NIPSNAP3A: variants seen among roughly 807,000 people sequenced by gnomAD.
NIPSNAP3A encodes the protein protein NipSnap homolog 3A.
NIPSNAP3A carries 27 observed loss-of-function variants against 32.3 expected under a neutral mutation model. The observed-to-expected ratio is 0.84, with a 90% confidence interval of 0.62 to 1.15. The LOEUF (loss-of-function observed/expected upper bound fraction) is 1.15, where lower values mean the gene tolerates loss of function less well. Ranked by LOEUF, NIPSNAP3A falls within the 50% of genes most tolerant of loss-of-function variation. NIPSNAP3A has a pLI of 0.00. For synonymous variants in NIPSNAP3A, 108 were observed against 107.3 expected (o/e 1.01, Z -0.04); for missense variants, 278 against 297.2 (o/e 0.94, Z 0.48).
chr9:104,754,685 G>A lies in NIPSNAP3A; in HGVS notation c.565G>A (p.Gly189Arg), dbSNP rs187962107. Residue 189 changes from glycine (G) to arginine (R), a missense_variant, in exon 4 of 6, where the codon GGA (glycine) becomes AGA (arginine). Coordinates refer to ENST00000374767, the MANE Select transcript of NIPSNAP3A (RefSeq NM_015469.3). The part of the protein sequence containing the change: ...KLVGVFHTEY[G>R]ALNRVHVLWW... ...AGTTGGAGTGTTCCACACAGAGTAC[G>A]GAGCACTCAACAGAGGTACAATTGT... 5.9e-5 allele frequency: 95 copies of A among 1,613,664 alleles called. No homozygotes were observed. In the East Asian group the frequency reaches 1.6e-3, roughly 26 times the overall value.
chr9:104,747,711 C>T lies in NIPSNAP3A; in HGVS notation c.-82C>T. The T allele has an allele frequency of 7.1e-7, 1 of 1,401,264 alleles. No homozygotes were observed. The highest frequency in any genetic ancestry group is 9.9e-7 in the Non-Finnish European group (1 of 1,011,344). 86.8% of individuals were successfully genotyped at this position (1,401,264 alleles called of 1,614,324 possible). On this transcript the variant is annotated 5_prime_UTR_variant, in exon 1 of 6. Coordinates refer to ENST00000374767, the MANE Select transcript of NIPSNAP3A (RefSeq NM_015469.3). The stretch of plus-strand genomic sequence containing the variant: ...CTGCGTCTGCCAATGATCCAGGAGC[C>T]GCTCCTTTCCACTCGGGAAACCTTC...
intron 4 of NIPSNAP3A, among the ~76,000 whole-genome samples, chr9:104,756,814 C>CTT (rs34247948): frequency 6.1e-5 from 7 of 114,308 alleles, no homozygotes; most frequent in Non-Finnish European, 9.1e-5. Flanking sequence ...TGTTAATATT[C>CTT]TTTTTTTTTT....
chr9:104,754,795 A>T (rs1827887546), intron 4 of NIPSNAP3A, 95 bp downstream of exon 4: 1 of 916,046 alleles, frequency 1.1e-6, no homozygotes, highest in Non-Finnish European at 1.7e-6. Flanking sequence ...AGTATGTTTT[A>T]TTATTTATTG....
intron 2 of NIPSNAP3A, among the ~76,000 whole-genome samples, chr9:104,751,664 G>A (rs1213628473): frequency 1.3e-5 from 2 of 152,144 alleles, no homozygotes; most frequent in Non-Finnish European, 2.9e-5. Context: ...TATAGGGGAT[G>A]ATGGTTAACT....
At chr9:104,758,532 CCTT>C (rs1827931336) in intron 4 of NIPSNAP3A, among the ~76,000 whole-genome samples, 1 of 152,078 alleles carries the variant, frequency 6.6e-6, no homozygotes, top group Non-Finnish European at 1.5e-5. Flanking sequence ...CGTTTTCCAG[CCTT>C]CTATTTCTTC....
chr9:104,755,734 C>T (rs1363366358), intron 4 of NIPSNAP3A, among the ~76,000 whole-genome samples: 1 of 151,858 alleles, frequency 6.6e-6, no homozygotes, highest in Non-Finnish European at 1.5e-5. Context: ...CTAGCCTGGG[C>T]AACACAGCTT....
chr9:104,752,986 T>A lies in NIPSNAP3A; in HGVS notation c.352T>A (p.Leu118Met). ...EWQEQFLIPN[L>M]ALIDKQESEI... Reference sequence around the variant, plus strand: ...GCAAGAACAATTCCTCATTCCAAATTTGGCTCTCATTGATAAACAAGAGAG... The same window carrying A: ...GCAAGAACAATTCCTCATTCCAAATATGGCTCTCATTGATAAACAAGAGAG... Residue 118 changes from leucine (L) to methionine (M), a missense_variant, in exon 3 of 6, where the codon TTG (leucine) becomes ATG (methionine). Transcript: ENST00000374767. The A allele has an allele frequency of 6.2e-7, 1 of 1,612,980 alleles. No homozygotes were observed. The highest frequency in any genetic ancestry group is 8.5e-7 in the Non-Finnish European group (1 of 1,178,996).
intron 1 of NIPSNAP3A, 73 bp downstream of exon 1, chr9:104,747,925 C>A: frequency 7.1e-7 from 1 of 1,405,904 alleles, no homozygotes; most frequent in Admixed American, 2.0e-5. Flanking sequence ...GTTCCGGGTA[C>A]GTGCGAGCAA....
At position 104,747,742 on chromosome 9, in the gene NIPSNAP3A, A is replaced by C. The variant is rs771067598; in HGVS notation, c.-51A>C. On this transcript the variant is annotated 5_prime_UTR_variant, in exon 1 of 6. Coordinates refer to ENST00000374767, the MANE Select transcript of NIPSNAP3A (RefSeq NM_015469.3). ...TTTCCACTCGGGAAACCTTCAGAGG[A>C]GTCTCAGAAAGGACACGGCTGGCTG... 4 of 1,542,798 alleles carry C rather than the reference A, an allele frequency of 2.6e-6. No homozygotes were observed. Among genetic ancestry groups the C allele is most frequent in the Non-Finnish European group, 3.5e-6 (4 of 1,129,254 alleles).
intron 4 of NIPSNAP3A, 50 bp downstream of exon 4, chr9:104,754,750 C>T (rs1227811830): frequency 1.3e-6 from 2 of 1,485,368 alleles, no homozygotes; most frequent in Non-Finnish European, 9.4e-7. Flanking sequence ...ATATTGTGAC[C>T]TAAGTTCCTT....
chr9:104,756,026 C>G (rs1480485812), intron 4 of NIPSNAP3A, among the ~76,000 whole-genome samples: 1 of 152,070 alleles, frequency 6.6e-6, no homozygotes, highest in African/African-American at 2.4e-5. Flanking sequence ...CTCTTTATGT[C>G]CAATGGACAT....
At position 104,751,114 on chromosome 9, in the gene NIPSNAP3A, G is replaced by A. The variant is rs753810167; in HGVS notation, c.219G>A (p.Trp73Ter). 7.2e-5 allele frequency: 116 copies of A among 1,613,902 alleles called. No individual in the cohort carries two copies. The highest frequency in any genetic ancestry group is 9.6e-5 in the Non-Finnish European group (113 of 1,179,928). Reference sequence around the variant, plus strand: ...CTCACTCTGAATTGGTTGGATACTGGAGTGTAGAATTTGGAGGCAGAATGA... The same window carrying A: ...CTCACTCTGAATTGGTTGGATACTGAAGTGTAGAATTTGGAGGCAGAATGA... ...RTAHSELVGY[W>*]SVEFGGRMNT... The change falls in exon 2 of 6, where the codon TGG (tryptophan) becomes TGA (stop). Residue 73 changes from tryptophan to a stop codon, truncating the protein, a stop_gained. Coordinates refer to ENST00000374767, the MANE Select transcript of NIPSNAP3A (RefSeq NM_015469.3). LOFTEE classifies it high-confidence loss of function.
chr9:104,754,278 T>C, intron 3 of NIPSNAP3A: 1 of 272,274 alleles, frequency 3.7e-6, no homozygotes, highest in Non-Finnish European at 6.9e-6. Flanking sequence ...ATGTTATAGA[T>C]TAAAAATATT....
chr9:104,748,452 A>G (rs975013104), intron 1 of NIPSNAP3A, among the ~76,000 whole-genome samples: 1 of 152,092 alleles, frequency 6.6e-6, no homozygotes, highest in Admixed American at 6.5e-5. Flanking sequence ...CGCTCCCCCA[A>G]CCAGGCGGGA....
At position 104,751,055 on chromosome 9, in the gene NIPSNAP3A, G is replaced by A. The variant is rs765120316; in HGVS notation, c.160G>A (p.Glu54Lys). 2 of 1,613,980 alleles carry A rather than the reference G, an allele frequency of 1.2e-6. No individual in the cohort carries two copies. The highest frequency in any genetic ancestry group is 4.5e-5 in the East Asian group (2 of 44,862). Residue 54 changes from glutamate (E) to lysine (K), a missense_variant, in exon 2 of 6, where the codon GAA (glutamate) becomes AAA (lysine). Coordinates refer to ENST00000374767, the MANE Select transcript of NIPSNAP3A (RefSeq NM_015469.3). Reference sequence around the variant, plus strand: ...GCCCTCAAAGATGAATGAGTTCCTGGAAAATTTTGAGAAAAACGCTCATCT... The same window carrying A: ...GCCCTCAAAGATGAATGAGTTCCTGAAAAATTTTGAGAAAAACGCTCATCT... ...LKPSKMNEFLENFEKNAHLRT... is the reference protein window; with the variant it reads ...LKPSKMNEFLKNFEKNAHLRT...
At position 104,754,630 on chromosome 9, in the gene NIPSNAP3A, T is replaced by C. The variant is rs771044228; in HGVS notation, c.510T>C (p.His170=). 4 of 1,614,000 alleles carry C rather than the reference T, an allele frequency of 2.5e-6. No individual in the cohort carries two copies. The highest frequency in any genetic ancestry group is 1.1e-5 in the South Asian group (1 of 91,092). The change falls in exon 4 of 6, where the codon CAT becomes CAC. Residue 170 remains histidine (H), a synonymous_variant. Transcript: ENST00000374767. The part of the protein sequence containing the change: ...LWGDAFKRAV[H]AHVNLGYTKL... ...GTGATGCATTTAAAAGGGCAGTTCA[T>C]GCTCATGTCAATCTAGGCTACACAA... is the stretch of plus-strand genomic sequence containing the variant.
In NIPSNAP3A at chr9:104,750,975, C is replaced by T. The variant is rs139310572; in HGVS notation, c.80C>T (p.Thr27Met). 3.5e-4 allele frequency: 560 copies of T among 1,613,082 alleles called. 1 individual carries two copies. Among genetic ancestry groups the T allele is most frequent in the Non-Finnish European group, 5.3e-5 (63 of 1,179,076 alleles). The change falls in exon 2 of 6, where the codon ACG becomes ATG. Residue 27 changes from threonine to methionine, a missense_variant. Transcript: ENST00000374767. ...LAPQMCSSFA[T>M]GPRQYDGIFY... ...CTTCAGATGTGCTCATCTTTTGCTA[C>T]GGGACCCAGACAATACGATGGAATA...
intron 2 of NIPSNAP3A, 100 bp downstream of exon 2, chr9:104,751,266 A>T: frequency 9.2e-7 from 1 of 1,089,494 alleles, no homozygotes; most frequent in Non-Finnish European, 1.4e-6. Context: ...TCTTGGATGT[A>T]TATTATTTTA....
chr9:104,748,218 C>T (rs1195148530), intron 1 of NIPSNAP3A, among the ~76,000 whole-genome samples: 1 of 152,234 alleles, frequency 6.6e-6, no homozygotes, highest in Non-Finnish European at 1.5e-5. Flanking sequence ...CATGTTGTCA[C>T]CTGGCGCTGT....
Sources: allele counts gnomAD v4.1 joint callset (sites outside exome capture counted in the v4.1 genomes callset), GRCh38; gene constraint gnomAD v4.1.1; transcripts MANE v1.5; gene names NCBI Gene and HGNC (gene_info 2026-07-23, HGNC 2026-07-21).